The following ARB2A variants were observed in gnomAD, a reference collection of about 807,000 sequenced individuals.
ARB2A encodes ARB2 cotranscriptional regulator A, also known as cotranscriptional regulator ARB2A.
At chr5:93,843,159 A>G in the ARB2A span, among the ~76,000 whole-genome samples, 1 of 152,226 alleles carries the variant, frequency 6.6e-6, no homozygotes, top group African/African-American at 2.4e-5. Context: ...CAGATTAATT[A>G]TAGCGAAGCT....
chr5:93,748,889 T>C, the ARB2A span, among the ~76,000 whole-genome samples: 1 of 152,320 alleles, frequency 6.6e-6, no homozygotes, highest in Admixed American at 6.5e-5. Flanking sequence ...TTGCCTTCTT[T>C]TCATCATATC....
At chr5:94,020,163 A>G in the ARB2A span, among the ~76,000 whole-genome samples, 1 of 151,818 alleles carries the variant, frequency 6.6e-6, no homozygotes, top group Non-Finnish European at 1.5e-5. Flanking sequence ...TAACACAGGA[A>G]CAGAAAACCA....
the ARB2A span, among the ~76,000 whole-genome samples, chr5:94,093,210 C>A: frequency 6.6e-6 from 1 of 151,942 alleles, no homozygotes; most frequent in Non-Finnish European, 1.5e-5. Flanking sequence ...ATATAGGAAA[C>A]CGTGCTCTAC....
the ARB2A span, among the ~76,000 whole-genome samples, chr5:93,803,968 T>C: frequency 6.6e-6 from 1 of 151,932 alleles, no homozygotes; most frequent in African/African-American, 2.4e-5. Context: ...AGAGCTGTTA[T>C]TATTCCTACA....
the ARB2A span, among the ~76,000 whole-genome samples, chr5:93,818,338 A>G: frequency 6.6e-6 from 1 of 152,212 alleles, no homozygotes. Context: ...ATAGTTGTAC[A>G]AGTCTGCAAA....
chr5:93,762,628 C>T, the ARB2A span, among the ~76,000 whole-genome samples: 8 of 151,880 alleles, frequency 5.3e-5, no homozygotes, highest in South Asian at 2.1e-4. Flanking sequence ...AAACACTCTG[C>T]GGGATATTAT....
chr5:93,717,997 G>A, the ARB2A span, among the ~76,000 whole-genome samples: 1 of 151,802 alleles, frequency 6.6e-6, no homozygotes, highest in African/African-American at 2.4e-5. Flanking sequence ...ACCATGCCCG[G>A]CTAAGTTTTG....
the ARB2A span, among the ~76,000 whole-genome samples, chr5:93,622,181 A>G: frequency 1.3e-5 from 2 of 152,352 alleles, no homozygotes; most frequent in Middle Eastern, 3.4e-3. Context: ...ACTTTTTAAA[A>G]TTAAAAATTA....
At chr5:93,815,943 C>T in the ARB2A span, among the ~76,000 whole-genome samples, 3 of 152,170 alleles carry the variant, frequency 2.0e-5, no homozygotes, top group Non-Finnish European at 4.4e-5. Flanking sequence ...TGAAGTAGCT[C>T]CTCCTGAAAC....
the ARB2A span, chr5:93,741,723 G>T: frequency 1.3e-6 from 1 of 791,200 alleles, no homozygotes; most frequent in Non-Finnish European, 1.9e-6. Flanking sequence ...AGATCCATAG[G>T]AACTCCTGGG....
At chr5:93,705,633 GTGTGTGTGTGTGTGTGTGTATA>G in the ARB2A span, among the ~76,000 whole-genome samples, 1 of 147,438 alleles carries the variant, frequency 6.8e-6, no homozygotes, top group South Asian at 2.1e-4. Flanking sequence ...GTGTGTGTGT[GTGTGTGTGTGTGTGTGTGTATA>G]TATATATATA....
chr5:93,867,212 T>C, the ARB2A span, among the ~76,000 whole-genome samples: 1 of 152,220 alleles, frequency 6.6e-6, no homozygotes, highest in African/African-American at 2.4e-5. Flanking sequence ...ATTATTGCTA[T>C]GACAGAACCA....
At chr5:93,865,257 A>G in the ARB2A span, 1 of 316,180 alleles carries the variant, frequency 3.2e-6, no homozygotes, top group African/African-American at 2.3e-5. Flanking sequence ...AATTTTTTGT[A>G]TTTTTAATAG....
chr5:93,651,126 C>A, the ARB2A span, among the ~76,000 whole-genome samples: 1 of 151,832 alleles, frequency 6.6e-6, no homozygotes, highest in Non-Finnish European at 1.5e-5. Context: ...CTTTCAAATA[C>A]TGAAAGAACA....
chr5:93,879,446 T>C, the ARB2A span, among the ~76,000 whole-genome samples: 1 of 151,160 alleles, frequency 6.6e-6, no homozygotes, highest in Admixed American at 6.6e-5. Flanking sequence ...AATTGATGAG[T>C]GAAATGGGAC....
At chr5:94,018,866 C>A in the ARB2A span, among the ~76,000 whole-genome samples, 1 of 151,984 alleles carries the variant, frequency 6.6e-6, no homozygotes, top group Non-Finnish European at 1.5e-5. Context: ...CAATCCTAAG[C>A]AAAAAGAACA....
At chr5:93,938,384 T>C in the ARB2A span, among the ~76,000 whole-genome samples, 2 of 152,220 alleles carry the variant, frequency 1.3e-5, no homozygotes, top group Non-Finnish European at 2.9e-5. Flanking sequence ...AGAATAGCAC[T>C]GAGAAAAATT....
chr5:94,041,770 C>A, the ARB2A span, among the ~76,000 whole-genome samples: 6 of 152,062 alleles, frequency 3.9e-5, no homozygotes, highest in Non-Finnish European at 8.8e-5. Context: ...ATTTACCTAC[C>A]TTGGAGCATT....
chr5:94,090,906 T>C, the ARB2A span, among the ~76,000 whole-genome samples: 1 of 152,200 alleles, frequency 6.6e-6, no homozygotes, highest in Non-Finnish European at 1.5e-5. Context: ...CTAGTAATTT[T>C]CCAATTCAGC....
Sources: gnomAD v4.1 joint callset for allele counts (sites outside exome capture counted in the v4.1 genomes callset) on GRCh38, gnomAD v4.1.1 for gene constraint, MANE v1.5 for transcripts, NCBI Gene and HGNC (gene_info 2026-07-23, HGNC 2026-07-21) for gene names.